The following AFDN variants were observed in gnomAD, a reference collection of about 807,000 sequenced individuals.
AFDN encodes afadin, adherens junction formation factor.
In AFDN, 68 loss-of-function variants were observed where a neutral mutation model predicts 216.6. The ratio of observed to expected loss-of-function variants is 0.31; its 90% CI spans 0.26 to 0.38. The LOEUF is 0.38. AFDN is among the 10% of genes least tolerant of loss of function. The pLI is 1.00. For synonymous variants in AFDN, 868 were observed against 853.7 expected (o/e 1.02, Z -0.29); for missense variants, 2,136 against 2,342.0 (o/e 0.91, Z 1.82).
At position 167,902,399 on chromosome 6, in the gene AFDN, G is replaced by A. The variant is rs753194900; in HGVS notation, c.1650+13G>A. On this transcript the variant is annotated intron_variant, in intron 12 of 33. Coordinates refer to ENST00000683244, the MANE Select transcript of AFDN (RefSeq NM_001386888.1). ...ACCGACAAGCAAGGTAGGTAATTAT[G>A]GATTACCTGATAGAAGTGTGCTTGC... is the stretch of plus-strand genomic sequence containing the variant. 7 of 1,585,332 alleles carry A rather than the reference G, an allele frequency of 4.4e-6. No homozygotes were observed. The highest frequency in any genetic ancestry group is 2.2e-5 in the South Asian group (2 of 90,410).
intron 8 of AFDN, 150 bp downstream of exon 8, chr6:167,891,179 T>G: frequency 3.7e-6 from 2 of 538,556 alleles, no homozygotes; most frequent in East Asian, 6.7e-5. Context: ...CTCATAACAT[T>G]TATTTCTCTT....
chr6:167,958,065 A>C (rs990508337), intron 30 of AFDN, among the ~76,000 whole-genome samples: 5 of 152,218 alleles, frequency 3.3e-5, no homozygotes, highest in African/African-American at 1.2e-4. Context: ...AAACTCTTTG[A>C]GCACCGACAT....
intron 6 of AFDN, among the ~76,000 whole-genome samples, chr6:167,882,176 G>A (rs1222967210): frequency 2.0e-5 from 3 of 151,762 alleles, no homozygotes; most frequent in Non-Finnish European, 2.9e-5. Context: ...TAGAATGCTG[G>A]AAAAAGAAAC....
intron 1 of AFDN, among the ~76,000 whole-genome samples, chr6:167,848,080 G>C (rs1216470263): frequency 2.6e-5 from 4 of 152,122 alleles, no homozygotes; most frequent in Admixed American, 2.6e-4. Context: ...AGTCTTTGTT[G>C]ATTTACCCTA....
At chr6:167,902,161 G>A (rs1483865117) in intron 11 of AFDN, among the ~76,000 whole-genome samples, 156 bp from the exon 12 acceptor site, 1 of 151,706 alleles carries the variant, frequency 6.6e-6, no homozygotes, top group Non-Finnish European at 1.5e-5. Flanking sequence ...TCATAAGGTG[G>A]TTTTTTAATT....
intron 1 of AFDN, chr6:167,863,680 G>C (rs896778173): frequency 1.6e-5 from 7 of 438,394 alleles, no homozygotes; most frequent in African/African-American, 1.4e-4. Flanking sequence ...TGCTTTTTCT[G>C]TGTGCAAGGA....
chr6:167,898,248 A>G lies in AFDN; in HGVS notation c.1361A>G (p.Asn454Ser), dbSNP rs1446689537. 1 of 1,614,158 alleles carries G rather than the reference A, an allele frequency of 6.2e-7. No individual in the cohort carries two copies. Among genetic ancestry groups the G allele is most frequent in the Non-Finnish European group, 8.5e-7 (1 of 1,180,022 alleles). ...CAGCCCCATCACTGTGACCTTACCAACATGGATGGAGTGGTCACTGTGACG... is the reference window on the plus strand; with the variant it reads ...CAGCCCCATCACTGTGACCTTACCAGCATGGATGGAGTGGTCACTGTGACG... ...GIQPHHCDLT[N>S]MDGVVTVTPR... is the part of the protein sequence containing the mutation. Residue 454 changes from asparagine to serine, a missense_variant, in exon 11 of 34, where the codon AAC (asparagine) becomes AGC (serine). This residue lies in a region of AFDN where 817 missense variants were observed against 965.7 expected (regional missense o/e 0.85). Coordinates refer to ENST00000683244, the MANE Select transcript of AFDN (RefSeq NM_001386888.1).
chr6:167,933,662 T>C (rs1325778591), intron 23 of AFDN, among the ~76,000 whole-genome samples: 1 of 152,224 alleles, frequency 6.6e-6, no homozygotes, highest in Non-Finnish European at 1.5e-5. Flanking sequence ...GGAAACAATA[T>C]ATTTGTGTAT....
intron 32 of AFDN, among the ~76,000 whole-genome samples, chr6:167,968,073 C>T (rs1425199008): frequency 1.3e-5 from 2 of 151,934 alleles, no homozygotes; most frequent in Non-Finnish European, 1.5e-5. Flanking sequence ...CTAAAAGTTC[C>T]GAAAATTCAG....
chr6:167,829,133 T>G (rs770340481), intron 1 of AFDN, among the ~76,000 whole-genome samples: 6 of 152,208 alleles, frequency 3.9e-5, no homozygotes, highest in Non-Finnish European at 8.8e-5. Context: ...TACTTATATC[T>G]GAACATTTCC....
intron 32 of AFDN, among the ~76,000 whole-genome samples, chr6:167,967,320 T>A (rs559130770): frequency 2.0e-4 from 31 of 152,302 alleles, no homozygotes; most frequent in African/African-American, 7.2e-4. Context: ...AAATAACAGA[T>A]TAATTTTGCC....
At chr6:167,841,963 C>T (rs1321574185) in intron 1 of AFDN, among the ~76,000 whole-genome samples, 1 of 151,708 alleles carries the variant, frequency 6.6e-6, no homozygotes, top group African/African-American at 2.4e-5. Flanking sequence ...GGGCTTTTCT[C>T]TTCTGTTAAA....
At chr6:167,950,755 G>A (rs1795876326) in intron 29 of AFDN, among the ~76,000 whole-genome samples, 1 of 152,160 alleles carries the variant, frequency 6.6e-6, no homozygotes. Context: ...GCTCTGCAGT[G>A]GAGATGGTGC....
Position 167,951,496 on chromosome 6 carries a change from A to C in AFDN, c.4142A>C (p.His1381Pro), listed in dbSNP as rs757157814. ...CCGCCACCCCCGCCACCTCCAGTCC[A>C]CTATGCCGGTGATTTCGATGGAATG... ...LPPPPPPPPV[H>P]YAGDFDGMSM... Residue 1381 changes from histidine to proline, a missense_variant, in exon 30 of 34, where the codon CAC (histidine) becomes CCC (proline). This residue lies in a region of AFDN where 981 missense variants were observed against 966.0 expected (regional missense o/e 1.02). Transcript: ENST00000683244. The surrounding 1 kb of genome is among the most constrained non-coding windows in gnomAD (Gnocchi z 7.1). The C allele has an allele frequency of 2.5e-6, 4 of 1,613,726 alleles. No individual in the cohort carries two copies. The highest frequency in any genetic ancestry group is 3.4e-6 in the Non-Finnish European group (4 of 1,179,950).
intron 23 of AFDN, among the ~76,000 whole-genome samples, chr6:167,928,734 G>A (rs1792892340): frequency 6.6e-6 from 1 of 152,162 alleles, no homozygotes; most frequent in Non-Finnish European, 1.5e-5. Context: ...ACCTGTCTTT[G>A]CTTCTTGTTT....
chr6:167,886,832 A>C (rs767237831), intron 6 of AFDN, among the ~76,000 whole-genome samples: 1 of 151,936 alleles, frequency 6.6e-6, no homozygotes, highest in Non-Finnish European at 1.5e-5. Flanking sequence ...GAGGGCAGGA[A>C]CTTGAAGCCC....
At chr6:167,880,311 T>TA in intron 5 of AFDN, 49 bp from the exon 6 acceptor site, 5 of 1,564,576 alleles carry the variant, frequency 3.2e-6, no homozygotes, top group Non-Finnish European at 4.4e-6. Flanking sequence ...CTATCTCTGT[T>TA]ACTGGCATAA....
rs1266845315 is a variant in AFDN, at chr6:167,913,431, A to T, written c.2058+8A>T. On this transcript the variant is annotated splice_region_variant and intron_variant, in intron 16 of 33. Transcript: ENST00000683244. ...GTAGACCAGGTTGACCAGGTAGGAC[A>T]TCTGCTGGGAGCTGATCCTAGCTGT... The T allele has an allele frequency of 6.5e-7, 1 of 1,535,726 alleles. No homozygotes were observed. The highest frequency in any genetic ancestry group is 8.7e-7 in the Non-Finnish European group (1 of 1,146,722).
chr6:167,893,241 T>C (rs937282396), intron 8 of AFDN, among the ~76,000 whole-genome samples: 1 of 152,200 alleles, frequency 6.6e-6, no homozygotes, highest in African/African-American at 2.4e-5. Context: ...AGTCATGATG[T>C]CGTTTTAGGT....
Sources: allele counts gnomAD v4.1 joint callset (sites outside exome capture counted in the v4.1 genomes callset), GRCh38; gene constraint gnomAD v4.1.1; regional missense constraint gnomAD v4.1.1; non-coding constraint Gnocchi (gnomAD v3.1); transcripts MANE v1.5; gene names NCBI Gene and HGNC (gene_info 2026-07-23, HGNC 2026-07-21).